Variants in SCIMP observed in about 807,000 individuals in gnomAD.
The protein encoded by SCIMP is SLP adaptor and CSK interacting membrane protein.
Under a neutral mutation model 22.0 loss-of-function variants are expected in SCIMP, and 18 were observed. The observed-to-expected ratio is 0.82, with a 90% CI of 0.56 to 1.21. SCIMP has a LOEUF of 1.21. Ranked by LOEUF, SCIMP falls within the 50% of genes most tolerant of loss-of-function variation. SCIMP has a pLI of 0.00. For missense variants in SCIMP, 155 were observed against 171.2 expected, an observed-to-expected ratio of 0.91 and a Z score of 0.53; for synonymous variants, 53 against 62.2, an observed-to-expected ratio of 0.85 and a Z score of 0.70.
intron 4 of SCIMP, among the ~76,000 whole-genome samples, chr17:5,211,784 G>T (rs905724027): frequency 1.1e-4 from 17 of 152,142 alleles, no homozygotes. Flanking sequence ...AGGCTGGGGC[G>T]CGGTGGCTTA....
At chr17:5,212,047 CA>C (rs201695440) in intron 4 of SCIMP, among the ~76,000 whole-genome samples, 2 of 145,558 alleles carry the variant, frequency 1.4e-5, no homozygotes, top group African/African-American at 5.1e-5. Flanking sequence ...GACTCTGTCT[CA>C]AAAAAAAAGA....
In SCIMP at chr17:5,234,842, A is replaced by C; in HGVS notation, c.-87T>G. 6.4e-7 allele frequency: 1 copy of C among 1,557,968 alleles called. No individual in the cohort carries two copies. Among genetic ancestry groups the C allele is most frequent in the Non-Finnish European group, 8.7e-7 (1 of 1,151,258 alleles). ...AGGCATTCCTCACTCACAGGCCTTC[A>C]CCCACTGCTAGAGACAGTGAGCCCC... On this transcript the variant is annotated 5_prime_UTR_variant, in exon 1 of 5. Transcript: ENST00000574081.
At chr17:5,231,827 G>A (rs2074697258) in intron 1 of SCIMP, among the ~76,000 whole-genome samples, 1 of 152,210 alleles carries the variant, frequency 6.6e-6, no homozygotes, top group Non-Finnish European at 1.5e-5. Flanking sequence ...GGCTGAGGCG[G>A]GCGGATCACG....
At chr17:5,214,207 T>C (rs1315140648) in intron 4 of SCIMP, 1 of 152,394 alleles carries the variant, frequency 6.6e-6, no homozygotes, top group Non-Finnish European at 1.5e-5. Flanking sequence ...AAATTTCTGT[T>C]GTGTAAGCAC....
chr17:5,228,142 A>C (rs562757925), intron 1 of SCIMP, among the ~76,000 whole-genome samples: 33 of 152,240 alleles, frequency 2.2e-4, no homozygotes, highest in Non-Finnish European at 3.7e-4. Context: ...ACTGCACTCC[A>C]GCCTGGGCAA....
intron 3 of SCIMP, among the ~76,000 whole-genome samples, chr17:5,219,208 A>C (rs1172532783): frequency 6.6e-6 from 1 of 152,102 alleles, no homozygotes; most frequent in Non-Finnish European, 1.5e-5. Context: ...AATCCCAGCT[A>C]TTCAGGAGAC....
intron 1 of SCIMP, among the ~76,000 whole-genome samples, chr17:5,232,956 C>T (rs1032536532): frequency 1.3e-5 from 2 of 152,122 alleles, no homozygotes; most frequent in Admixed American, 1.3e-4. Flanking sequence ...AAGTGATCCA[C>T]CTGCCTCGGC....
Position 5,214,981 on chromosome 17 carries a change from G to T in SCIMP, c.227C>A (p.Ser76Ter). 1 of 1,609,120 alleles carries T rather than the reference G, an allele frequency of 6.2e-7. No homozygotes were observed. Among genetic ancestry groups the T allele is most frequent in the East Asian group, 2.2e-5 (1 of 44,862 alleles). Residue 76 changes from serine to a stop codon, truncating the protein, a stop_gained, in exon 4 of 5, where the codon TCG becomes TAG. Coordinates refer to ENST00000574081, the MANE Select transcript of SCIMP (RefSeq NM_207103.3). LOFTEE classifies it high-confidence loss of function. ...TGGCAGAGGCGGTAATTGAACTGGC[G>T]ACTCATTAAGAACATTCCTAGAGAG... Reference protein sequence around the residue: ...EKMYENVLNESPVQLPPLPPR... With the variant: ...EKMYENVLNE
chr17:5,212,926 AAAT>A (rs2074536047), intron 4 of SCIMP: 1 of 152,158 alleles, frequency 6.6e-6, no homozygotes, highest in Non-Finnish European at 1.4e-5. Context: ...AACAATAAGT[AAAT>A]AACACAATTT....
rs1019549397 is a variant in SCIMP, at chr17:5,227,365, A to G, written c.22-3909T>C. 7.9e-5 allele frequency among the ~76,000 whole-genome samples: 12 copies of G among 151,602 alleles called. 1 individual carries two copies. Among genetic ancestry groups the G allele is most frequent in the African/African-American group, 2.9e-4 (12 of 41,168 alleles). On this transcript the variant is annotated intron_variant, in intron 1 of 4. Transcript: ENST00000574081. Reference sequence around the variant, plus strand: ...GGTGTGGCGGCATGTGCCTATAGTCACAGCTACTCAGGAGGTTAAGCTCCT... The same window carrying G: ...GGTGTGGCGGCATGTGCCTATAGTCGCAGCTACTCAGGAGGTTAAGCTCCT...
intron 1 of SCIMP, among the ~76,000 whole-genome samples, chr17:5,229,384 C>CTTTTTTTTTTTTTTTTT (rs71151849): frequency 1.7e-5 from 1 of 59,284 alleles, no homozygotes; most frequent in African/African-American, 7.3e-5. Context: ...GTTTATTTAG[C>CTTTTTTTTTTTTTTTTT]TTTTTTTTTT....
In SCIMP at chr17:5,210,640, C is replaced by T. The variant is rs2074519695; in HGVS notation, c.*161G>A. 1.1e-6 allele frequency: 1 copy of T among 903,784 alleles called. No homozygotes were observed. 56.0% of individuals were successfully genotyped at this position (903,784 alleles called of 1,614,324 possible). A position where few individuals can be genotyped will look rare whatever the true frequency, so the allele number is the denominator to read the frequency against. On this transcript the variant is annotated 3_prime_UTR_variant, in exon 5 of 5. Coordinates refer to ENST00000574081, the MANE Select transcript of SCIMP (RefSeq NM_207103.3). ...TGCAGTCATCCGATCGCAGGGGTGT[C>T]TTCATCTAAGGTTTGGGAAGTGCTT...
intron 3 of SCIMP, among the ~76,000 whole-genome samples, chr17:5,216,639 C>T (rs2074567370): frequency 6.6e-6 from 1 of 152,070 alleles, no homozygotes; most frequent in Non-Finnish European, 1.5e-5. Context: ...GCACTCCAGC[C>T]TGGGCAACAG....
chr17:5,214,645 C>G (rs1317361585), intron 4 of SCIMP: 7 of 348,282 alleles, frequency 2.0e-5, no homozygotes, highest in African/African-American at 1.5e-4. Flanking sequence ...TCGAGACCAT[C>G]CTGGCTAACG....
chr17:5,217,416 TTTA>T (rs918997779), intron 3 of SCIMP, among the ~76,000 whole-genome samples: 16 of 151,720 alleles, frequency 1.1e-4, no homozygotes, highest in African/African-American at 2.7e-4. Flanking sequence ...GTGTGTTTGT[TTTA>T]TTATTATTAT....
chr17:5,215,862 C>G (rs1434138005), intron 3 of SCIMP, among the ~76,000 whole-genome samples: 3 of 152,122 alleles, frequency 2.0e-5, no homozygotes, highest in Non-Finnish European at 4.4e-5. Context: ...TCACACAACT[C>G]AAATGTCCAT....
rs759825932 is a variant in SCIMP at position 5,210,927 on chromosome 17, G to GGGC, written c.309_311dup (p.Pro104dup). On this transcript the variant is annotated inframe_insertion, in exon 5 of 5. Coordinates refer to ENST00000574081, the MANE Select transcript of SCIMP (RefSeq NM_207103.3). The stretch of plus-strand genomic sequence containing the variant: ...CTTTATTTACCAGTGAGTATGTAGC[G>GGGC]GGCGGCTGACTTGGGGCTTCCTGTG... 1.2e-6 allele frequency: 2 copies of GGGC among 1,613,024 alleles called. No individual in the cohort carries two copies.
intron 4 of SCIMP, 191 bp downstream of exon 4, chr17:5,214,734 G>A (rs539325108): frequency 3.5e-5 from 18 of 520,738 alleles, no homozygotes; most frequent in Admixed American, 1.0e-4. Flanking sequence ...CAGCTACTCC[G>A]GAGGCTGAGG....
chr17:5,233,453 A>G (rs1446732178), intron 1 of SCIMP, among the ~76,000 whole-genome samples: 2 of 151,852 alleles, frequency 1.3e-5, no homozygotes, highest in Admixed American at 6.6e-5. Flanking sequence ...GCTCACTGCA[A>G]CCTCCACCTC....
Sources: gnomAD v4.1 joint callset for allele counts (sites outside exome capture counted in the v4.1 genomes callset) on GRCh38, gnomAD v4.1.1 for gene constraint, MANE v1.5 for transcripts, NCBI Gene and HGNC (gene_info 2026-07-23, HGNC 2026-07-21) for gene names.